The following SMYD3 variants were observed in gnomAD, a reference collection of about 807,000 sequenced individuals.
SMYD3 encodes SET and MYND domain containing 3, also known as histone-lysine N-methyltransferase SMYD3.
Under a neutral mutation model 57.7 loss-of-function variants are expected in SMYD3, and 36 were observed. That is an observed-to-expected ratio of 0.62 (90% confidence interval 0.48 to 0.82). The LOEUF (loss-of-function observed/expected upper bound fraction) is 0.82, where lower values mean the gene tolerates loss of function less well. Ranked by LOEUF, SMYD3 falls within the 40% of genes least tolerant of loss-of-function variation. The pLI is 0.00. For synonymous variants in SMYD3, 211 were observed against 195.0 expected (o/e 1.08, Z -0.68); for missense variants, 515 against 538.8 (o/e 0.96, Z 0.44).
At chr1:246,131,870 T>G (rs2061593070) in intron 5 of SMYD3, among the ~76,000 whole-genome samples, 1 of 151,912 alleles carries the variant, frequency 6.6e-6, no homozygotes, top group Non-Finnish European at 1.5e-5. Flanking sequence ...TTTCCCTTTT[T>G]TATATGGTTA....
chr1:246,412,510 T>G (rs990873497), intron 1 of SMYD3, among the ~76,000 whole-genome samples: 3 of 152,144 alleles, frequency 2.0e-5, no homozygotes, highest in Non-Finnish European at 2.9e-5. Flanking sequence ...TGACAACTAT[T>G]TAATGTGTTA....
At chr1:246,286,601 T>A (rs894038305) in intron 5 of SMYD3, among the ~76,000 whole-genome samples, 1 of 152,228 alleles carries the variant, frequency 6.6e-6, no homozygotes, top group Non-Finnish European at 1.5e-5. Context: ...GAAATTTGTA[T>A]GTAGTAATGA....
intron 10 of SMYD3, among the ~76,000 whole-genome samples, chr1:245,850,619 T>C (rs2050919268): frequency 6.6e-6 from 1 of 152,158 alleles, no homozygotes; most frequent in Non-Finnish European, 1.5e-5. Flanking sequence ...GAGGAACACT[T>C]GAGCCCAGGA....
chr1:246,319,150 A>G (rs980141597), intron 5 of SMYD3, among the ~76,000 whole-genome samples: 9 of 152,252 alleles, frequency 5.9e-5, no homozygotes, highest in Non-Finnish European at 1.3e-4. Flanking sequence ...TATATAAATC[A>G]TAGATGCATG....
intron 1 of SMYD3, among the ~76,000 whole-genome samples, chr1:246,499,899 A>G (rs1250409517): frequency 6.6e-6 from 1 of 152,196 alleles, no homozygotes; most frequent in Non-Finnish European, 1.5e-5. Flanking sequence ...CATTTTGATA[A>G]TTTGTAAAAG....
chr1:246,295,807 G>C (rs915043760), intron 5 of SMYD3, among the ~76,000 whole-genome samples: 3 of 152,120 alleles, frequency 2.0e-5, no homozygotes, highest in Non-Finnish European at 4.4e-5. Flanking sequence ...TGAATCCTCT[G>C]AGCAAGAAAA....
intron 5 of SMYD3, among the ~76,000 whole-genome samples, chr1:246,140,053 A>G (rs1426324318): frequency 6.6e-6 from 1 of 152,242 alleles, no homozygotes; most frequent in Non-Finnish European, 1.5e-5. Flanking sequence ...TGGACAAATC[A>G]TTCTTTAGTT....
chr1:246,003,435 T>C (rs2059115473), intron 5 of SMYD3, among the ~76,000 whole-genome samples: 2 of 152,224 alleles, frequency 1.3e-5, no homozygotes, highest in South Asian at 2.1e-4. Flanking sequence ...GGATATATTA[T>C]TGAGGAATAT....
intron 9 of SMYD3, among the ~76,000 whole-genome samples, chr1:245,861,189 C>G (rs560499293): frequency 2.0e-5 from 3 of 152,316 alleles, no homozygotes; most frequent in East Asian, 1.9e-4. Flanking sequence ...GCTTTTCCCC[C>G]CAAGCTACTA....
intron 1 of SMYD3, among the ~76,000 whole-genome samples, chr1:246,459,496 T>C (rs2067762504): frequency 6.6e-6 from 1 of 151,804 alleles, no homozygotes; most frequent in Non-Finnish European, 1.5e-5. Context: ...TCGTGAGATC[T>C]TGTTATTTGA....
intron 5 of SMYD3, among the ~76,000 whole-genome samples, chr1:246,283,966 A>G (rs1378809004): frequency 6.6e-6 from 1 of 152,242 alleles, no homozygotes; most frequent in East Asian, 1.9e-4. Flanking sequence ...TATTTGACTA[A>G]AATAGCATAT....
intron 5 of SMYD3, among the ~76,000 whole-genome samples, chr1:246,223,532 G>C (rs1379567756): frequency 1.3e-5 from 2 of 152,046 alleles, no homozygotes; most frequent in African/African-American, 4.8e-5. Context: ...ACTTTACAAA[G>C]TATTTGCTCA....
intron 5 of SMYD3, among the ~76,000 whole-genome samples, chr1:245,999,437 T>C (rs987343233): frequency 6.6e-6 from 1 of 152,122 alleles, no homozygotes; most frequent in African/African-American, 2.4e-5. Flanking sequence ...ATTTTAAAGT[T>C]AATAATTCTG....
intron 5 of SMYD3, among the ~76,000 whole-genome samples, chr1:246,025,154 G>A (rs1270898677): frequency 1.3e-5 from 2 of 150,286 alleles, no homozygotes; most frequent in African/African-American, 2.5e-5. Context: ...TACAGCAAGT[G>A]GACAGCATCT....
At chr1:246,398,922 C>A (rs1313983737) in intron 1 of SMYD3, among the ~76,000 whole-genome samples, 1 of 152,182 alleles carries the variant, frequency 6.6e-6, no homozygotes, top group Non-Finnish European at 1.5e-5. Context: ...AGACTGATTG[C>A]CCAGCGTAAT....
intron 10 of SMYD3, among the ~76,000 whole-genome samples, chr1:245,823,928 C>A (rs1006038600): frequency 6.6e-6 from 1 of 152,206 alleles, no homozygotes; most frequent in African/African-American, 2.4e-5. Context: ...GGGAGACCCA[C>A]GTGCTCCCGA....
intron 10 of SMYD3, among the ~76,000 whole-genome samples, chr1:245,845,221 C>T (rs1296541735): frequency 3.3e-5 from 5 of 152,154 alleles, no homozygotes; most frequent in East Asian, 1.9e-4. Context: ...TACCCCACTG[C>T]GTATTTCCCC....
At chr1:246,497,684 C>T (rs1173890485) in intron 1 of SMYD3, among the ~76,000 whole-genome samples, 2 of 149,980 alleles carry the variant, frequency 1.3e-5, no homozygotes, top group Admixed American at 6.7e-5. Flanking sequence ...GAGATCTCAT[C>T]TCTAAAAAAA....
rs143432244 is a variant in SMYD3 at position 246,197,816 on chromosome 1, G to C, written c.531+129385C>G. On this transcript the variant is annotated intron_variant, in intron 5 of 11. Transcript: ENST00000490107. Reference sequence around the variant, plus strand: ...GGGAAAACTGGGTACAGAATATATAGGGGAACACTCTGTACTATTCACAAT... The same window carrying C: ...GGGAAAACTGGGTACAGAATATATACGGGAACACTCTGTACTATTCACAAT... Among the ~76,000 whole-genome samples the C allele has an allele frequency of 5.9e-3, 892 of 152,194 alleles. 13 individuals are homozygous for C. Among genetic ancestry groups the C allele is most frequent in the African/African-American group, 0.02 (821 of 41,524 alleles).
Sources: gnomAD v4.1 joint callset for allele counts (sites outside exome capture counted in the v4.1 genomes callset) on GRCh38, gnomAD v4.1.1 for gene constraint, MANE v1.5 for transcripts, NCBI Gene and HGNC (gene_info 2026-07-23, HGNC 2026-07-21) for gene names.